The following GNG7 variants were observed in gnomAD, a reference collection of about 807,000 sequenced individuals.
The protein encoded by GNG7 is G protein subunit gamma 7.
GNG7 carries 1 observed loss-of-function variant against 4.0 expected under a neutral mutation model. The ratio of observed to expected loss-of-function variants is 0.25; its 90% CI spans 0.09 to 1.18. The LOEUF is 1.18. Ranked by LOEUF, GNG7 falls within the 50% of genes most tolerant of loss-of-function variation. The pLI is 0.50. For missense variants in GNG7, 86 were observed against 91.9 expected (o/e 0.94, Z 0.26); for synonymous variants, 34 against 36.9 (o/e 0.92, Z 0.29).
rs1479210374 is a variant in GNG7, at chr19:2,633,563, C to T, written c.-78+12661G>A. Among the ~76,000 whole-genome samples the T allele has an allele frequency of 6.6e-6, 1 of 151,648 alleles. No homozygotes were observed. Among genetic ancestry groups the T allele is most frequent in the African/African-American group, 2.4e-5 (1 of 41,260 alleles). On this transcript the variant is annotated intron_variant, in intron 2 of 4. Transcript: ENST00000382159. The surrounding 1 kb of genome is among the most constrained non-coding windows in gnomAD (Gnocchi z 5.9). ...GGTCTGCACACTGGGCTGGGGTACT[C>T]AGATCCCCGGGCTCGGTGGTCGTGG...
chr19:2,661,304 G>GAA (rs1568277825), intron 1 of GNG7, among the ~76,000 whole-genome samples: 1 of 87,010 alleles, frequency 1.1e-5, no homozygotes, highest in Admixed American at 1.1e-4. Flanking sequence ...GAAAGAAAGA[G>GAA]AAAGAAAGAA....
At chr19:2,604,797 C>T (rs1981328820) in intron 2 of GNG7, among the ~76,000 whole-genome samples, 1 of 152,166 alleles carries the variant, frequency 6.6e-6, no homozygotes, top group Admixed American at 6.6e-5. Flanking sequence ...TTTTCCCAGA[C>T]AGAGATGCAG....
intron 2 of GNG7, among the ~76,000 whole-genome samples, chr19:2,620,847 G>A (rs1981850983): frequency 6.6e-6 from 1 of 152,186 alleles, no homozygotes; most frequent in South Asian, 2.1e-4. Context: ...TCTGTGCAGA[G>A]AACAGACTCC....
chr19:2,605,490 C>A (rs1310601158), intron 2 of GNG7, among the ~76,000 whole-genome samples: 2 of 148,438 alleles, frequency 1.3e-5, no homozygotes, highest in Non-Finnish European at 3.0e-5. Flanking sequence ...TGAGCCACCA[C>A]ACCTGGCCAA....
At chr19:2,515,476 C>G (rs188264178) in intron 4 of GNG7, among the ~76,000 whole-genome samples, 42 of 151,294 alleles carry the variant, frequency 2.8e-4, no homozygotes, top group African/African-American at 1.0e-3. Context: ...CGCCCAGGCT[C>G]TAGTGCAGTG....
intron 2 of GNG7, among the ~76,000 whole-genome samples, chr19:2,591,504 G>A (rs764489801): frequency 9.6e-5 from 14 of 145,348 alleles, no homozygotes; most frequent in Non-Finnish European, 1.5e-4. Context: ...GACTGAGTGT[G>A]TGGCCTTGAG....
intron 2 of GNG7, among the ~76,000 whole-genome samples, chr19:2,555,545 G>C (rs1340665119): frequency 6.6e-6 from 1 of 152,138 alleles, no homozygotes; most frequent in Non-Finnish European, 1.5e-5. Flanking sequence ...CAGGCACGGC[G>C]CCTTCCCATG....
intron 1 of GNG7, among the ~76,000 whole-genome samples, chr19:2,685,265 T>C (rs578105917): frequency 8.7e-4 from 132 of 152,140 alleles, no homozygotes; most frequent in Middle Eastern, 3.4e-3. Context: ...CAGTGGTTGG[T>C]TAAATGTACC....
chr19:2,587,983 TCTCA>T (rs1302801162), intron 2 of GNG7, among the ~76,000 whole-genome samples: 5 of 152,168 alleles, frequency 3.3e-5, no homozygotes, highest in Admixed American at 3.3e-4. Flanking sequence ...GGGTGGCCAC[TCTCA>T]CTGTTTCTAT....
chr19:2,617,800 C>A lies in GNG7; in HGVS notation c.-78+28424G>T, dbSNP rs1981762286. 6.6e-6 allele frequency among the ~76,000 whole-genome samples: 1 copy of A among 151,680 alleles called. No individual in the cohort carries two copies. The highest frequency in any genetic ancestry group is 2.4e-5 in the African/African-American group (1 of 41,206). ...GTGGTGCAGTCACAGCTCACCGCAA[C>A]CTCAGCCTCCTGGGCTCAAGTGATC... On this transcript the variant is annotated intron_variant, in intron 2 of 4. Transcript: ENST00000382159. The surrounding 1 kb of genome is among the most constrained non-coding windows in gnomAD (Gnocchi z 4.7).
In GNG7 at chr19:2,542,004, C is replaced by T. The variant is rs1304321026; in HGVS notation, c.-38+13145G>A. Among the ~76,000 whole-genome samples, 3 of 152,060 alleles carry T rather than the reference C, an allele frequency of 2.0e-5. No homozygotes were observed. In the East Asian group the frequency reaches 5.8e-4, roughly 29 times the overall value. On this transcript the variant is annotated intron_variant, in intron 3 of 4. Transcript: ENST00000382159. ...GCTTCTGTACCCAGTGCTGCTGGGC[C>T]TCCTGTCTGGGGCTGGCTGCAGGGC...
intron 1 of GNG7, among the ~76,000 whole-genome samples, chr19:2,659,307 G>A (rs1166762201): frequency 1.3e-5 from 2 of 150,118 alleles, no homozygotes; most frequent in African/African-American, 2.4e-5. Context: ...GGCCGGGCGC[G>A]GTGGCTCACG....
intron 1 of GNG7, among the ~76,000 whole-genome samples, chr19:2,659,120 C>T (rs571927206): frequency 6.6e-6 from 1 of 151,934 alleles, no homozygotes; most frequent in African/African-American, 2.4e-5. Flanking sequence ...CAGGCGCCCG[C>T]CACCACACCT....
At chr19:2,530,530 G>A (rs1246051276) in intron 3 of GNG7, among the ~76,000 whole-genome samples, 1 of 151,820 alleles carries the variant, frequency 6.6e-6, no homozygotes, top group Non-Finnish European at 1.5e-5. Flanking sequence ...AGACCAGCCT[G>A]GCCAACATGG....
intron 2 of GNG7, among the ~76,000 whole-genome samples, chr19:2,639,822 G>A (rs1982445076): frequency 7.8e-5 from 1 of 12,856 alleles, no homozygotes; most frequent in South Asian, 3.5e-3. Context: ...GAGGGTAAGG[G>A]AGGGAGGGAG....
chr19:2,625,539 G>T (rs970398642), intron 2 of GNG7, among the ~76,000 whole-genome samples: 1 of 151,986 alleles, frequency 6.6e-6, no homozygotes, highest in Non-Finnish European at 1.5e-5. Context: ...CTTCTCCTCG[G>T]TCACGGGGAT....
rs906759077 is a variant in GNG7 at position 2,653,151 on chromosome 19, T to A, written c.-134-6871A>T. Among the ~76,000 whole-genome samples the A allele has an allele frequency of 6.6e-6, 1 of 152,110 alleles. No homozygotes were observed. Among genetic ancestry groups the A allele is most frequent in the Non-Finnish European group, 1.5e-5 (1 of 68,030 alleles). On this transcript the variant is annotated intron_variant, in intron 1 of 4. Transcript: ENST00000382159. This position sits in a 1 kb window ranked among gnomAD's most constrained non-coding sequence, Gnocchi z 4.8. ...AGAAACTGAAAACAAAAACCAGGCC[T>A]CACCCACAGTGTCGAAGGCATGCAT...
chr19:2,515,270 C>A, intron 4 of GNG7, 123 bp from the exon 5 acceptor site: 1 of 1,204,848 alleles, frequency 8.3e-7, no homozygotes, highest in South Asian at 1.4e-5. Flanking sequence ...TTGATGGGGG[C>A]GTGGGCAAAC....
At chr19:2,567,123 CA>C (rs112853732) in intron 2 of GNG7, among the ~76,000 whole-genome samples, 1 of 39,826 alleles carries the variant, frequency 2.5e-5, no homozygotes, top group Non-Finnish European at 5.1e-5. Context: ...AAAAAAAAAA[CA>C]AAAAAAACAA....
Sources: allele counts gnomAD v4.1 joint callset (sites outside exome capture counted in the v4.1 genomes callset), GRCh38; gene constraint gnomAD v4.1.1; non-coding constraint Gnocchi (gnomAD v3.1); transcripts MANE v1.5; gene names NCBI Gene and HGNC (gene_info 2026-07-23, HGNC 2026-07-21).